Variants in XIRP2 observed in about 807,000 individuals in gnomAD.
The protein encoded by XIRP2 is xin actin-binding repeat-containing protein 2.
A neutral mutation model predicts 277.0 loss-of-function variants in XIRP2; 236 were observed. The ratio of observed to expected loss-of-function variants is 0.85; its 90% CI spans 0.77 to 0.95. The LOEUF (loss-of-function observed/expected upper bound fraction) is 0.95. Ranked by LOEUF, XIRP2 falls within the 40% of genes least tolerant of loss-of-function variation. The pLI is 0.00. For missense variants in XIRP2, 4,640 were observed against 4,157.5 expected (o/e 1.12, Z -3.19); for synonymous variants, 1,490 against 1,416.5 (o/e 1.05, Z -1.17).
intron 2 of XIRP2, among the ~76,000 whole-genome samples, chr2:167,082,009 A>G (rs568871738): frequency 6.6e-6 from 1 of 151,372 alleles, no homozygotes; most frequent in Non-Finnish European, 1.5e-5. Flanking sequence ...GGTTAGTTAC[A>G]TATGCATACA....
intron 2 of XIRP2, among the ~76,000 whole-genome samples, chr2:167,128,721 C>T (rs1020490265): frequency 1.3e-5 from 2 of 149,956 alleles, no homozygotes; most frequent in Non-Finnish European, 2.9e-5. Context: ...GAAGCTTTCT[C>T]TGACCACATC....
At chr2:167,126,191 TCTCTCTCACA>T (rs1286457368) in intron 2 of XIRP2, among the ~76,000 whole-genome samples, 1 of 134,046 alleles carries the variant, frequency 7.5e-6, no homozygotes, top group African/African-American at 3.6e-5. Flanking sequence ...TCTCTCTCTC[TCTCTCTCACA>T]CTCTCACTCT....
At chr2:167,064,373 T>A (rs186625919) in intron 2 of XIRP2, among the ~76,000 whole-genome samples, 1 of 151,920 alleles carries the variant, frequency 6.6e-6, no homozygotes, top group South Asian at 2.1e-4. Flanking sequence ...ATAAGAATTT[T>A]ATAGCGCATA....
intron 2 of XIRP2, among the ~76,000 whole-genome samples, chr2:166,951,202 A>G (rs1686022619): frequency 6.6e-6 from 1 of 152,088 alleles, no homozygotes; most frequent in African/African-American, 2.4e-5. Context: ...TATATACGTT[A>G]GGCCATTCTT....
rs1299085536 is a variant in XIRP2, at chr2:167,249,095, A to G, written c.7703A>G (p.Tyr2568Cys). 4 of 1,613,684 alleles carry G rather than the reference A, an allele frequency of 2.5e-6. No homozygotes were observed. Among genetic ancestry groups the G allele is most frequent in the Non-Finnish European group, 3.4e-6 (4 of 1,179,824 alleles). The change falls in exon 9 of 11, where the codon TAC (tyrosine) becomes TGC (cysteine). Residue 2568 changes from tyrosine to cysteine, a missense_variant. Physicochemically the swap from Tyr to Cys is radical, Grantham distance 194 (BLOSUM62 -2). Coordinates refer to ENST00000409195, the MANE Select transcript of XIRP2 (RefSeq NM_152381.6). ...IEKQKQESSYYNIVKTQSQNQ... is the reference protein window; with the variant it reads ...IEKQKQESSYCNIVKTQSQNQ... ...AAACAGAAACAGGAGAGTTCTTACTACAACATTGTTAAAACTCAAAGCCAA... is the reference window on the plus strand; with the variant it reads ...AAACAGAAACAGGAGAGTTCTTACTGCAACATTGTTAAAACTCAAAGCCAA...
intron 3 of XIRP2, among the ~76,000 whole-genome samples, chr2:167,162,450 A>C (rs972172857): frequency 2.6e-5 from 4 of 152,142 alleles, no homozygotes; most frequent in Non-Finnish European, 4.4e-5. Flanking sequence ...CACATATCAC[A>C]CTGTGAGGGG....
chr2:167,170,147 T>C (rs1692641915), intron 3 of XIRP2, among the ~76,000 whole-genome samples: 1 of 152,190 alleles, frequency 6.6e-6, no homozygotes. Context: ...ATTGCAATGA[T>C]AAAGAACTTT....
chr2:166,949,486 T>G (rs1176705911), intron 2 of XIRP2, among the ~76,000 whole-genome samples: 3 of 152,078 alleles, frequency 2.0e-5, no homozygotes, highest in African/African-American at 7.2e-5. Flanking sequence ...AGCTACAAGG[T>G]GGGGCTACAG....
At chr2:166,974,386 AT>A (rs1244326471) in intron 2 of XIRP2, among the ~76,000 whole-genome samples, 8 of 152,066 alleles carry the variant, frequency 5.3e-5, no homozygotes, top group African/African-American at 1.7e-4. Context: ...GAACACTACT[AT>A]TTTTTCCTCG....
At chr2:167,037,076 G>A (rs1688528416) in intron 2 of XIRP2, among the ~76,000 whole-genome samples, 1 of 152,062 alleles carries the variant, frequency 6.6e-6, no homozygotes, top group African/African-American at 2.4e-5. Context: ...TGTGAAAACA[G>A]ACTAATACAA....
chr2:167,150,340 A>T (rs1574299516), intron 3 of XIRP2, among the ~76,000 whole-genome samples: 1 of 152,196 alleles, frequency 6.6e-6, no homozygotes, highest in East Asian at 1.9e-4. Context: ...ATGAGGAGAC[A>T]TTTTAACAGG....
Position 167,243,902 on chromosome 2 carries a change from A to G in XIRP2, c.2510A>G (p.Asp837Gly), listed in dbSNP as rs770528393. ...IIEKEKIIGT[D>G]VSRKCWMFET... is the part of the protein sequence containing the mutation. ...GAAAAGGAAAAAATAATAGGTACAG[A>G]TGTCTCCAGAAAGTGTTGGATGTTT... The change falls in exon 9 of 11, where the codon GAT (aspartate) becomes GGT (glycine). Residue 837 changes from aspartate (D) to glycine (G), a missense_variant. Transcript: ENST00000409195. The G allele has an allele frequency of 1.2e-6, 2 of 1,613,952 alleles. No individual in the cohort carries two copies. The highest frequency in any genetic ancestry group is 4.5e-5 in the East Asian group (2 of 44,864).
chr2:167,044,960 A>T (rs1381478188), intron 2 of XIRP2, among the ~76,000 whole-genome samples: 1 of 152,100 alleles, frequency 6.6e-6, no homozygotes, highest in Non-Finnish European at 1.5e-5. Flanking sequence ...CTAAGAAAAA[A>T]AAAAGCCAGA....
chr2:166,929,040 G>A (rs1052471216), intron 2 of XIRP2, among the ~76,000 whole-genome samples: 15 of 151,634 alleles, frequency 9.9e-5, no homozygotes, highest in South Asian at 4.2e-4. Flanking sequence ...ACTTTCTATC[G>A]CTGATACTCA....
chr2:167,040,441 C>T (rs1271559620), intron 2 of XIRP2, among the ~76,000 whole-genome samples: 6 of 152,076 alleles, frequency 3.9e-5, no homozygotes, highest in African/African-American at 1.4e-4. Context: ...AAGTGGCCCA[C>T]TCTCACCACA....
chr2:166,939,610 G>T (rs181913587), intron 2 of XIRP2, among the ~76,000 whole-genome samples: 1,522 of 147,486 alleles, frequency 0.01, 36 homozygotes, highest in African/African-American at 0.036. Flanking sequence ...AACCCAGGAG[G>T]TGGAGCTTTC....
chr2:167,049,619 T>C (rs1468268697), intron 2 of XIRP2, among the ~76,000 whole-genome samples: 1 of 152,022 alleles, frequency 6.6e-6, no homozygotes, highest in African/African-American at 2.4e-5. Context: ...TTTGTCCATC[T>C]ATTGAGAATT....
chr2:167,026,589 G>T (rs1406992442), intron 2 of XIRP2, among the ~76,000 whole-genome samples: 1 of 152,130 alleles, frequency 6.6e-6, no homozygotes, highest in African/African-American at 2.4e-5. Flanking sequence ...GCAGTGGCTG[G>T]TACCAGTTGT....
At chr2:167,014,892 C>G (rs150260466) in intron 2 of XIRP2, among the ~76,000 whole-genome samples, 1 of 151,594 alleles carries the variant, frequency 6.6e-6, no homozygotes, top group African/African-American at 2.4e-5. Flanking sequence ...TTTGTGTATC[C>G]CTCTAAACCT....
Sources: gnomAD v4.1 joint callset for allele counts (sites outside exome capture counted in the v4.1 genomes callset) on GRCh38, gnomAD v4.1.1 for gene constraint, MANE v1.5 for transcripts, NCBI Gene and HGNC (gene_info 2026-07-23, HGNC 2026-07-21) for gene names.